The following MASP1 variants were observed in gnomAD, a reference collection of about 807,000 sequenced individuals.
The protein encoded by MASP1 is mannan-binding lectin serine protease 1.
Under a neutral mutation model 77.1 loss-of-function variants are expected in MASP1, and 59 were observed. The ratio of observed to expected loss-of-function variants is 0.77; its 90% CI spans 0.62 to 0.95. The LOEUF (loss-of-function observed/expected upper bound fraction) is 0.95. Among genes scored for constraint, MASP1 ranks in the 40% least tolerant of loss-of-function variants. MASP1 has a pLI of 0.00. For missense variants in MASP1, 885 were observed against 912.9 expected (o/e 0.97, Z 0.39); for synonymous variants, 362 against 354.5 (o/e 1.02, Z -0.24).
chr3:187,234,842 G>A lies in MASP1; in HGVS notation c.*842C>T. On this transcript the variant is annotated 3_prime_UTR_variant, in exon 11 of 11. Coordinates refer to ENST00000296280, the MANE Select transcript of MASP1 (RefSeq NM_139125.4). ...AGCCTTTCAGATAATACATTTCAAG[G>A]CTGAAAGATTGCTTTGTGCTTGTCT... 7.8e-7 allele frequency: 1 copy of A among 1,287,244 alleles called. No homozygotes were observed. The highest frequency in any genetic ancestry group is 1.2e-5 in the South Asian group (1 of 80,940). The allele number at this position is 1,287,244 out of a possible 1,614,324, so 79.7% of individuals were successfully genotyped here.
At chr3:187,262,801 A>G in intron 2 of MASP1, 81 bp from the exon 3 acceptor site, 3 of 1,334,028 alleles carry the variant, frequency 2.2e-6, no homozygotes, top group East Asian at 2.3e-5. Context: ...AGAAAAAGGA[A>G]GGGGCCACCC....
chr3:187,223,738 G>T, intron 13 of MASP1, among the ~76,000 whole-genome samples: 1 of 152,170 alleles, frequency 6.6e-6, no homozygotes, highest in East Asian at 1.9e-4. Context: ...GTAAATCTGT[G>T]GGGCAATGTG....
chr3:187,291,617 CT>C lies in MASP1; in HGVS notation c.5+10del. 6.2e-7 allele frequency: 1 copy of C among 1,614,230 alleles called. No homozygotes were observed. The highest frequency in any genetic ancestry group is 1.3e-5 in the African/African-American group (1 of 75,074). ...AAAGGGAACCGTGCCCTCTCCTCCC[CT>C]GGCACGTACCTCATTTTCCTGCCTT... On this transcript the variant is annotated intron_variant, in intron 1 of 10. Transcript: ENST00000296280.
At chr3:187,229,676 A>G, downstream of MASP1, 6 of 1,546,120 alleles carry the variant, frequency 3.9e-6, no homozygotes, top group Non-Finnish European at 4.4e-6. Context: ...AGTGTGCACA[A>G]TGATTCTCAA....
At chr3:187,284,223 C>T (rs987230207) in intron 2 of MASP1, among the ~76,000 whole-genome samples, 2 of 152,114 alleles carry the variant, frequency 1.3e-5, no homozygotes, top group Admixed American at 6.5e-5. Context: ...TTTTAAGGGA[C>T]CAGATCTTTT....
At chr3:187,253,885 T>C (rs903869163) in intron 5 of MASP1, among the ~76,000 whole-genome samples, 1 of 151,844 alleles carries the variant, frequency 6.6e-6, no homozygotes, top group African/African-American at 2.4e-5. Context: ...AAGTACCTAA[T>C]GCATGTGGGG....
intron 3 of MASP1, among the ~76,000 whole-genome samples, chr3:187,261,135 C>T (rs976552236): frequency 6.6e-6 from 1 of 152,180 alleles, no homozygotes; most frequent in Admixed American, 6.5e-5. Flanking sequence ...GGTGGGACCA[C>T]TATCCTCTAA....
chr3:187,273,011 C>T (rs1000871204), intron 2 of MASP1, among the ~76,000 whole-genome samples: 1 of 152,134 alleles, frequency 6.6e-6, no homozygotes, highest in African/African-American at 2.4e-5. Flanking sequence ...GCCCGGGATA[C>T]GTTGAGCACT....
intron 14 of MASP1, among the ~76,000 whole-genome samples, chr3:187,222,143 G>T (rs945352860): frequency 6.6e-6 from 1 of 152,130 alleles, no homozygotes; most frequent in Admixed American, 6.5e-5. Context: ...CTGATTCATC[G>T]TTCAGGTATC....
At chr3:187,275,111 C>T (rs888089151) in intron 2 of MASP1, among the ~76,000 whole-genome samples, 1 of 152,166 alleles carries the variant, frequency 6.6e-6, no homozygotes, top group African/African-American at 2.4e-5. Flanking sequence ...TATGCAAATC[C>T]CTTCAGCAAC....
intron 1 of MASP1, among the ~76,000 whole-genome samples, chr3:187,290,770 TTGTGTGTGTGTGTGTGTG>T (rs55722614): frequency 6.7e-6 from 1 of 149,794 alleles, no homozygotes; most frequent in African/African-American, 2.5e-5. Flanking sequence ...CTGCAGAGCA[TTGTGTGTGTGTGTGTGTG>T]TGTGTGTGTG....
intron 6 of MASP1, 96 bp from the exon 7 acceptor site, chr3:187,251,848 A>G: frequency 1.1e-6 from 1 of 909,098 alleles, no homozygotes; most frequent in Non-Finnish European, 1.8e-6. Flanking sequence ...GAAGGTGAAT[A>G]AAACATGGAA....
chr3:187,237,462 C>A (rs1282962279), intron 10 of MASP1, among the ~76,000 whole-genome samples: 1 of 152,334 alleles, frequency 6.6e-6, no homozygotes, highest in East Asian at 1.9e-4. Context: ...ATGGATTAAG[C>A]CCCAGGGCAT....
exon 13 of MASP1, chr3:187,225,383 C>A: frequency 6.2e-7 from 1 of 1,614,058 alleles, no homozygotes; most frequent in South Asian, 1.1e-5. Context: ...CAGCACTGGG[C>A]TCTCCAACAG....
rs115961221 is a variant in MASP1, at chr3:187,236,035, G to A, written c.1836C>T (p.Thr612=). Residue 612 remains threonine (T), a synonymous_variant, in exon 11 of 11, where the codon ACC becomes ACT. Transcript: ENST00000296280. ...TGACATACTGCAGGACATCTGACAA[G>A]GTCCGTGTGCCACTGCTGATGATCT... ...VDEIISSGTR[T]LSDVLQYVKL... 2.0e-5 allele frequency: 32 copies of A among 1,614,182 alleles called. No individual in the cohort carries two copies. In the East Asian group the frequency reaches 4.0e-4, roughly 20 times the overall value.
chr3:187,240,193 A>T (rs1239203164), intron 10 of MASP1, among the ~76,000 whole-genome samples: 1 of 120,638 alleles, frequency 8.3e-6, no homozygotes, highest in African/African-American at 3.3e-5. Flanking sequence ...TGTCTTTATC[A>T]GCAGTGTGAG....
intron 10 of MASP1, among the ~76,000 whole-genome samples, chr3:187,239,686 G>T (rs1184720614): frequency 6.6e-6 from 1 of 152,180 alleles, no homozygotes; most frequent in Non-Finnish European, 1.5e-5. Flanking sequence ...TCACTGCCTG[G>T]AGTCCTTGGT....
rs757529217 is a variant in MASP1 at position 187,243,578 on chromosome 3, G to A, written c.1134C>T (p.Ile378=). The A allele has an allele frequency of 1.9e-6, 3 of 1,614,052 alleles. No homozygotes were observed. Among genetic ancestry groups the A allele is most frequent in the Non-Finnish European group, 1.7e-6 (2 of 1,180,028 alleles). Residue 378 remains isoleucine, a synonymous_variant, in exon 9 of 11, where the codon ATC becomes ATT. Transcript: ENST00000296280. ...TGAGGTTGTTCCTTGTAGAGAAGGT[G>A]ATCAGCCCGTGTTCCAGCTCTCCTG... ...RAPGELEHGL[I]TFSTRNNLTT...
intron 1 of MASP1, among the ~76,000 whole-genome samples, chr3:187,290,176 C>T (rs1718194562): frequency 6.6e-6 from 1 of 152,018 alleles, no homozygotes; most frequent in Non-Finnish European, 1.5e-5. Context: ...ACTACAAGGA[C>T]AATAAGAGAT....
Sources: gnomAD v4.1 joint callset for allele counts (sites outside exome capture counted in the v4.1 genomes callset) on GRCh38, gnomAD v4.1.1 for gene constraint, MANE v1.5 for transcripts, NCBI Gene and HGNC (gene_info 2026-07-23, HGNC 2026-07-21) for gene names.